The following TRAF3IP3 variants were observed in gnomAD, a reference collection of about 807,000 sequenced individuals.
TRAF3IP3 encodes the protein TRAF3 interacting protein 3.
Under a neutral mutation model 86.5 loss-of-function variants are expected in TRAF3IP3, and 64 were observed. The observed-to-expected ratio is 0.74, with a 90% CI of 0.60 to 0.91. TRAF3IP3 has a LOEUF of 0.91. Ranked by LOEUF, TRAF3IP3 falls within the 40% of genes least tolerant of loss-of-function variation. The pLI is 0.00. For missense variants in TRAF3IP3, 579 were observed against 642.9 expected, an observed-to-expected ratio of 0.90 and a Z score of 1.07; for synonymous variants, 220 against 243.9, an observed-to-expected ratio of 0.90 and a Z score of 0.91.
intron 8 of TRAF3IP3, among the ~76,000 whole-genome samples, chr1:209,771,213 G>A (rs2077503645): frequency 7.2e-6 from 1 of 138,842 alleles, no homozygotes; most frequent in Non-Finnish European, 1.5e-5. Context: ...TCATGTGAAG[G>A]TGTGTGTGTG....
Position 209,782,239 on chromosome 1 carries a change from T to G in TRAF3IP3, c.*91T>G, listed in dbSNP as rs1295787065. The G allele has an allele frequency of 2.1e-6, 2 of 967,166 alleles. No homozygotes were observed. Among genetic ancestry groups the G allele is most frequent in the African/African-American group, 3.2e-5 (2 of 62,358 alleles). 59.9% of individuals were successfully genotyped at this position (967,166 alleles called of 1,614,324 possible). A position where few individuals can be genotyped will look rare whatever the true frequency, so the allele number is the denominator to read the frequency against. ...TTTGGGTACATTACAGCTTGGGTTT[T>G]CCAACTGACTTAGGATTTCTGACTT... On this transcript the variant is annotated 3_prime_UTR_variant, in exon 17 of 17. Transcript: ENST00000367025.
intron 8 of TRAF3IP3, among the ~76,000 whole-genome samples, chr1:209,770,717 G>A (rs1474028973): frequency 2.0e-5 from 3 of 147,366 alleles, no homozygotes; most frequent in African/African-American, 7.5e-5. Context: ...GTGTGCAGGT[G>A]GAGGTGTGCG....
rs375288453 is a variant in TRAF3IP3, at chr1:209,763,139, C to T, written c.576+47C>T. The T allele has an allele frequency of 9.8e-5, 156 of 1,585,942 alleles. No individual in the cohort carries two copies. In the Middle Eastern group the frequency reaches 4.5e-3, roughly 45 times the overall value. On this transcript the variant is annotated intron_variant, in intron 6 of 16. Coordinates refer to ENST00000367025, the MANE Select transcript of TRAF3IP3 (RefSeq NM_025228.4). The stretch of plus-strand genomic sequence containing the variant: ...AGGGGTCAAATCAGAAAGTATTAAG[C>T]TCTGACATTCTGGAATTCCATGATA...
At chr1:209,766,020 G>A (rs1047684386) in intron 8 of TRAF3IP3, among the ~76,000 whole-genome samples, 5 of 152,324 alleles carry the variant, frequency 3.3e-5, no homozygotes, top group African/African-American at 1.2e-4. Context: ...CGCACCGGGT[G>A]GAAAGAGATG....
At chr1:209,781,112 T>G (rs780900817) in intron 15 of TRAF3IP3, 1 of 268,810 alleles carries the variant, frequency 3.7e-6, no homozygotes, top group Non-Finnish European at 7.1e-6. Flanking sequence ...ATAAAAGAAC[T>G]TAAATGTATA....
At chr1:209,769,840 G>T (rs780404508) in intron 8 of TRAF3IP3, among the ~76,000 whole-genome samples, 1 of 152,214 alleles carries the variant, frequency 6.6e-6, no homozygotes, top group South Asian at 2.1e-4. Flanking sequence ...ACTTGGCCTG[G>T]TTGGAAAAAG....
At chr1:209,768,406 C>T (rs2077397639) in intron 8 of TRAF3IP3, 1 of 985,376 alleles carries the variant, frequency 1.0e-6, no homozygotes. Context: ...GCAGAGAAAG[C>T]AAGCTTTCAA....
In TRAF3IP3 at chr1:209,770,069, C is replaced by A. The variant is rs114840476; in HGVS notation, c.703-2879C>A. Among the ~76,000 whole-genome samples, 1,382 of 152,282 alleles carry A rather than the reference C, an allele frequency of 9.1e-3. 26 individuals are homozygous for A. The highest frequency in any genetic ancestry group is 0.032 in the African/African-American group (1,314 of 41,538). On this transcript the variant is annotated intron_variant, in intron 8 of 16. Transcript: ENST00000367025. ...CTACTAAGCTGAAATACTGAAAAAC[C>A]GAGAAACAGATTGGCTCTTCATGCC...
At chr1:209,768,117 A>C in intron 8 of TRAF3IP3, 1 of 984,940 alleles carries the variant, frequency 1.0e-6, no homozygotes, top group Non-Finnish European at 1.2e-6. Flanking sequence ...CTCCAATAAA[A>C]GTATAGCCCC....
rs1382056956 is a variant in TRAF3IP3 at position 209,782,057 on chromosome 1, G to A, written c.1565G>A (p.Arg522Lys). The change falls in exon 17 of 17, where the codon AGG (arginine) becomes AAG (lysine). Residue 522 changes from arginine to lysine, a missense_variant and splice_region_variant. Physicochemically the swap from Arg to Lys is conservative, Grantham distance 26 (BLOSUM62 2). Transcript: ENST00000367025. The stretch of plus-strand genomic sequence containing the variant: ...TTCTGTCTCCCTGTCCCCCTACAGA[G>A]GCAATGTGGGCGATGGCTCCCAGTG... ...LNQSQQLPPRRQCGRWLPVLM... is the reference protein window; with the variant it reads ...LNQSQQLPPRKQCGRWLPVLM... The A allele has an allele frequency of 4.3e-6, 7 of 1,613,558 alleles. No homozygotes were observed. The Admixed American group carries it at 5.0e-5, about 12-fold the overall frequency.
intron 1 of TRAF3IP3, among the ~76,000 whole-genome samples, chr1:209,757,776 T>C (rs1053740511): frequency 2.0e-5 from 3 of 152,222 alleles, no homozygotes; most frequent in South Asian, 2.1e-4. Context: ...ACCAACCTAA[T>C]AGGAATACTT....
At chr1:209,760,832 G>A (rs983032241) in intron 3 of TRAF3IP3, among the ~76,000 whole-genome samples, 11 of 152,080 alleles carry the variant, frequency 7.2e-5, no homozygotes, top group African/African-American at 2.7e-4. Context: ...TAATCAGGAG[G>A]CAAAGATGGG....
Position 209,779,375 on chromosome 1 carries a change from G to A in TRAF3IP3, c.1312+1G>A, listed in dbSNP as rs755365181. 6.2e-7 allele frequency: 1 copy of A among 1,613,422 alleles called. No homozygotes were observed. Among genetic ancestry groups the A allele is most frequent in the Non-Finnish European group, 8.5e-7 (1 of 1,179,336 alleles). On this transcript the variant is annotated splice_donor_variant, in intron 14 of 16. Transcript: ENST00000367025. LOFTEE classifies it high-confidence loss of function. ...CAGGAGAAACTCTTAACAAAGAAAG[G>A]TCAGCAAATTTATTACCACAAATTC... is the stretch of plus-strand genomic sequence containing the variant.
chr1:209,763,644 A>C, intron 8 of TRAF3IP3, 57 bp downstream of exon 8: 24 of 1,413,296 alleles, frequency 1.7e-5, no homozygotes, highest in Non-Finnish European at 2.1e-5. Flanking sequence ...TTCCCATCTC[A>C]TTTTTCTTTC....
intron 8 of TRAF3IP3, among the ~76,000 whole-genome samples, chr1:209,769,513 CT>C (rs1452435367): frequency 1.3e-5 from 2 of 152,230 alleles, no homozygotes; most frequent in Admixed American, 6.5e-5. Context: ...TTTGGCAACA[CT>C]TTTTGCTTTT....
At chr1:209,774,388 G>A (rs906917150) in intron 9 of TRAF3IP3, among the ~76,000 whole-genome samples, 2 of 152,174 alleles carry the variant, frequency 1.3e-5, no homozygotes, top group African/African-American at 2.4e-5. Context: ...CAATAGAGTA[G>A]AATAATAGAG....
In TRAF3IP3 at chr1:209,772,941, G is replaced by T; in HGVS notation, c.703-7G>T. ...CCAAGCTCATTAACTCATCCCATTT[G>T]CTCCAGGGACAGCTTAATGAAGACA... On this transcript the variant is annotated splice_polypyrimidine_tract_variant and splice_region_variant and intron_variant, in intron 8 of 16. Transcript: ENST00000367025. 1.9e-6 allele frequency: 3 copies of T among 1,613,566 alleles called. No individual in the cohort carries two copies. Among genetic ancestry groups the T allele is most frequent in the Admixed American group, 1.7e-5 (1 of 59,922 alleles).
rs1213125817 is a variant in TRAF3IP3, at chr1:209,777,552, A to G, written c.1189+65A>G. On this transcript the variant is annotated intron_variant, in intron 12 of 16. Transcript: ENST00000367025. ...TGGCCAAGTGAGCTAAGAAAAAAGA[A>G]ACTGAATTAAGAGAAAGGCTTCAGC... is the stretch of plus-strand genomic sequence containing the variant. 7 of 1,489,668 alleles carry G rather than the reference A, an allele frequency of 4.7e-6. No homozygotes were observed. The East Asian group carries it at 1.6e-4, about 35-fold the overall frequency. 92.3% of individuals were successfully genotyped at this position (1,489,668 alleles called of 1,614,324 possible).
At position 209,760,022 on chromosome 1, in the gene TRAF3IP3, A is replaced by T; in HGVS notation, c.-18A>T. Reference sequence around the variant, plus strand: ...CCAGGAACTGGAAGCCAAGCGCAACAGGTGCTTGGAGGTCATCATGATCAG... The same window carrying T: ...CCAGGAACTGGAAGCCAAGCGCAACTGGTGCTTGGAGGTCATCATGATCAG... On this transcript the variant is annotated 5_prime_UTR_variant, in exon 3 of 17. Coordinates refer to ENST00000367025, the MANE Select transcript of TRAF3IP3 (RefSeq NM_025228.4). The T allele has an allele frequency of 6.3e-7, 1 of 1,588,154 alleles. No homozygotes were observed. The highest frequency in any genetic ancestry group is 8.6e-7 in the Non-Finnish European group (1 of 1,158,972).
Sources: allele counts gnomAD v4.1 joint callset (sites outside exome capture counted in the v4.1 genomes callset), GRCh38; gene constraint gnomAD v4.1.1; transcripts MANE v1.5; gene names NCBI Gene and HGNC (gene_info 2026-07-23, HGNC 2026-07-21).